The following AFF2 variants were observed in gnomAD, a reference collection of about 807,000 sequenced individuals.
AFF2 encodes the protein AF4/FMR2 family member 2.
In AFF2, 14 loss-of-function variants were observed where a neutral mutation model predicts 76.9. That is an observed-to-expected ratio of 0.18 (90% CI 0.12 to 0.28). The LOEUF (loss-of-function observed/expected upper bound fraction) is 0.28, where lower values mean the gene tolerates loss of function less well. AFF2 is among the 10% of genes least tolerant of loss of function. The pLI, the probability that AFF2 is intolerant of heterozygous loss-of-function variation, is 1.00. For synonymous variants in AFF2, 398 were observed against 366.7 expected (o/e 1.09, Z -0.98); for missense variants, 868 against 1,001.1 (o/e 0.87, Z 1.79).
chrX:148,767,470 T>G (rs2069533322), intron 3 of AFF2, among the ~76,000 whole-genome samples: 2 of 111,732 alleles, frequency 1.8e-5, no homozygotes, highest in East Asian at 5.7e-4. Context: ...GCACTTTCAA[T>G]TGAGATATTT....
intron 1 of AFF2, among the ~76,000 whole-genome samples, chrX:148,556,463 C>A (rs2053054141): frequency 9.0e-6 from 1 of 111,518 alleles, no homozygotes; most frequent in Non-Finnish European, 1.9e-5. Context: ...TTTTTTTACT[C>A]CAGAAAATAT....
intron 1 of AFF2, among the ~76,000 whole-genome samples, chrX:148,640,116 A>G (rs1286775781): frequency 8.9e-6 from 1 of 112,802 alleles, no homozygotes; most frequent in African/African-American, 3.2e-5. Flanking sequence ...TAGAAGAAGC[A>G]TTGTTAACCA....
At chrX:148,776,636 G>T (rs782766598) in intron 3 of AFF2, among the ~76,000 whole-genome samples, 24 of 111,698 alleles carry the variant, frequency 2.1e-4, no homozygotes, top group Non-Finnish European at 3.8e-4. Context: ...TTTCATGTTT[G>T]TTGGCTGCAT....
At chrX:148,543,470 C>G (rs555559947) in intron 1 of AFF2, among the ~76,000 whole-genome samples, 1 of 111,053 alleles carries the variant, frequency 9.0e-6, no homozygotes, top group South Asian at 3.8e-4. Flanking sequence ...CACTGTCTTC[C>G]TAATCTTATA....
At chrX:148,912,988 G>T (rs2071488290) in intron 9 of AFF2, among the ~76,000 whole-genome samples, 1 of 113,124 alleles carries the variant, frequency 8.8e-6, no homozygotes, top group Non-Finnish European at 1.9e-5. Flanking sequence ...GACAATTAAT[G>T]GAGAGATACC....
At chrX:148,983,872 A>G (rs782065302) in intron 19 of AFF2, among the ~76,000 whole-genome samples, 13 of 99,343 alleles carry the variant, frequency 1.3e-4, no homozygotes, top group Non-Finnish European at 2.4e-4. Context: ...CAAGTCATTC[A>G]TTTATTCAGC....
chrX:148,982,142 A>G (rs1557290949), intron 19 of AFF2, among the ~76,000 whole-genome samples: 1 of 112,163 alleles, frequency 8.9e-6, no homozygotes, highest in Non-Finnish European at 1.9e-5. Flanking sequence ...GTTTTTTTAA[A>G]AAAAATTCTG....
intron 1 of AFF2, among the ~76,000 whole-genome samples, chrX:148,518,109 T>A (rs1399488565): frequency 3.6e-5 from 4 of 112,195 alleles, no homozygotes; most frequent in Non-Finnish European, 5.6e-5. Context: ...AGTTTCTTGC[T>A]ACCAAATACC....
rs782176825 is a variant in AFF2, at chrX:148,917,876, A to AAAAC, written c.1397+13642_1397+13645dup. Among the ~76,000 whole-genome samples, 532 of 112,314 alleles carry AAAAC rather than the reference A, an allele frequency of 4.7e-3. 3 individuals carry two copies. Among genetic ancestry groups the AAAAC allele is most frequent in the African/African-American group, 0.017 (509 of 30,839 alleles). ...TCCCTCTCTTAATATTGAAGTGTAC[A>AAAAC]AAACAAACAAACAAACAAACAAACA... On this transcript the variant is annotated intron_variant, in intron 9 of 20. Transcript: ENST00000370460.
intron 7 of AFF2, among the ~76,000 whole-genome samples, chrX:148,860,622 C>T (rs1557276334): frequency 8.9e-6 from 1 of 111,944 alleles, no homozygotes; most frequent in Admixed American, 9.5e-5. Context: ...CCTGCTTTCA[C>T]GGTAATATTT....
chrX:149,000,495 C>A lies in AFF2; in HGVS notation c.*9163C>A, dbSNP rs2072663217. The A allele has an allele frequency of 8.8e-6, 1 of 113,086 alleles. No individual in the cohort carries two copies. Among genetic ancestry groups the A allele is most frequent in the African/African-American group, 3.2e-5 (1 of 31,046 alleles). The allele number at this position is 113,086 out of a possible 1,213,427, so 9.3% of individuals were successfully genotyped here. ...TGGTGCTTTGTTCTCAGTACAGTAACTCTGTGTACAAACATTTTAATGTGG... is the reference window on the plus strand; with the variant it reads ...TGGTGCTTTGTTCTCAGTACAGTAAATCTGTGTACAAACATTTTAATGTGG... On this transcript the variant is annotated 3_prime_UTR_variant, in exon 21 of 21. Coordinates refer to ENST00000370460, the MANE Select transcript of AFF2 (RefSeq NM_002025.4).
At chrX:148,876,760 C>A (rs1457495637) in intron 7 of AFF2, among the ~76,000 whole-genome samples, 1 of 111,133 alleles carries the variant, frequency 9.0e-6, no homozygotes, top group Non-Finnish European at 1.9e-5. Flanking sequence ...CTGCAGGTAT[C>A]CAAATAGGCC....
chrX:148,988,366 T>A (rs782470778), intron 20 of AFF2, among the ~76,000 whole-genome samples: 2 of 111,981 alleles, frequency 1.8e-5, no homozygotes, highest in Admixed American at 9.4e-5. Context: ...GCTGAGCATG[T>A]GGGGAAACCA....
intron 1 of AFF2, among the ~76,000 whole-genome samples, chrX:148,559,751 C>T (rs1229268011): frequency 2.7e-5 from 3 of 111,614 alleles, no homozygotes; most frequent in Non-Finnish European, 5.7e-5. Context: ...GTGCATATGT[C>T]TTTATAGTAG....
At chrX:148,553,619 C>T (rs1181210379) in intron 1 of AFF2, among the ~76,000 whole-genome samples, 2 of 111,630 alleles carry the variant, frequency 1.8e-5, no homozygotes, top group Non-Finnish European at 3.8e-5. Flanking sequence ...TTTCACTTCC[C>T]AGTGACTTTG....
At chrX:148,917,513 C>T (rs367638392) in intron 9 of AFF2, among the ~76,000 whole-genome samples, 1 of 112,536 alleles carries the variant, frequency 8.9e-6, no homozygotes, top group South Asian at 3.7e-4. Context: ...TTTCAGAACC[C>T]TCACACTTGT....
At chrX:148,931,483 C>T (rs1557284409) in intron 9 of AFF2, among the ~76,000 whole-genome samples, 1 of 111,246 alleles carries the variant, frequency 9.0e-6, no homozygotes, top group African/African-American at 3.3e-5. Flanking sequence ...TAATTTGTAA[C>T]TTTAGTCACT....
intron 3 of AFF2, among the ~76,000 whole-genome samples, chrX:148,694,820 T>C (rs1053709246): frequency 5.3e-5 from 5 of 94,199 alleles, no homozygotes; most frequent in Middle Eastern, 5.2e-3. Context: ...CTTTTTTTTT[T>C]TTTTTTTTTT....
At chrX:148,819,130 T>A (rs2070299720) in intron 4 of AFF2, among the ~76,000 whole-genome samples, 1 of 111,219 alleles carries the variant, frequency 9.0e-6, no homozygotes, top group Admixed American at 9.6e-5. Flanking sequence ...TGTTAGATAA[T>A]GATGTGGAAG....
Sources: gnomAD v4.1 joint callset for allele counts (sites outside exome capture counted in the v4.1 genomes callset) on GRCh38, gnomAD v4.1.1 for gene constraint, MANE v1.5 for transcripts, NCBI Gene and HGNC (gene_info 2026-07-23, HGNC 2026-07-21) for gene names.